CNTROB: variants seen among roughly 807,000 people sequenced by gnomAD.
CNTROB encodes centrobin.
In CNTROB, 82 loss-of-function variants were observed where a neutral mutation model predicts 115.7. That is an observed-to-expected ratio of 0.71 (90% CI 0.59 to 0.85). The LOEUF (loss-of-function observed/expected upper bound fraction) is 0.85. CNTROB is among the 40% of genes least tolerant of loss of function. The pLI, the probability that CNTROB is intolerant of heterozygous loss-of-function variation, is 0.00. For missense variants in CNTROB, 1,014 were observed against 1,144.4 expected, an observed-to-expected ratio of 0.89 and a Z score of 1.64; for synonymous variants, 439 against 456.4, an observed-to-expected ratio of 0.96 and a Z score of 0.49.
chr17:7,948,961 G>A lies in CNTROB; in HGVS notation c.2514-124G>A. The A allele has an allele frequency of 6.4e-7, 1 of 1,572,938 alleles. No homozygotes were observed. The highest frequency in any genetic ancestry group is 1.2e-5 in the South Asian group (1 of 86,380). On this transcript the variant is annotated intron_variant, in intron 17 of 18. Transcript: ENST00000563694. This position sits in a 1 kb window ranked among gnomAD's most constrained non-coding sequence, Gnocchi z 4.4. ...CCACTAATGTCTCCTCCCAGTTGAT[G>A]CCCAGGTCTATCGAGTTTGATCTTA...
chr17:7,932,123 G>C (rs529956891), upstream of CNTROB: 1 of 490,214 alleles, frequency 2.0e-6, no homozygotes, highest in Non-Finnish European at 3.7e-6. Flanking sequence ...CCAGGCGCTC[G>C]GGATACAGAA....
At chr17:7,935,312 G>A (rs933107716) in intron 4 of CNTROB, among the ~76,000 whole-genome samples, 167 bp downstream of exon 4, 1 of 152,040 alleles carries the variant, frequency 6.6e-6, no homozygotes, top group Non-Finnish European at 1.5e-5. Context: ...GACCATCCTG[G>A]CTAACACGGT....
intron 3 of CNTROB, 22 bp from the exon 4 acceptor site, chr17:7,934,967 A>T (rs778535999): frequency 1.3e-6 from 2 of 1,544,126 alleles, no homozygotes; most frequent in African/African-American, 1.4e-5. Context: ...CAGCCCTAAC[A>T]TTCTCTACCT....
chr17:7,942,653 G>A (rs1598093519), intron 9 of CNTROB, among the ~76,000 whole-genome samples: 2 of 150,110 alleles, frequency 1.3e-5, no homozygotes, highest in East Asian at 1.9e-4. Context: ...AATACTATAC[G>A]TGGAAATCAG....
Position 7,936,766 on chromosome 17 carries a change from A to G in CNTROB, c.777A>G (p.Gly259=). The G allele has an allele frequency of 6.4e-7, 1 of 1,569,352 alleles. No individual in the cohort carries two copies. Among genetic ancestry groups the G allele is most frequent in the Non-Finnish European group, 8.8e-7 (1 of 1,139,070 alleles). Residue 259 remains glycine, a synonymous_variant, in exon 6 of 19, where the codon GGA becomes GGG. Transcript: ENST00000563694. Reference sequence around the variant, plus strand: ...CTGAGCGGACAGAGGTTCTCAGGGGACTTCAAGAGGAACACCAGGCAGCAG... The same window carrying G: ...CTGAGCGGACAGAGGTTCTCAGGGGGCTTCAAGAGGAACACCAGGCAGCAG... ...HEAERTEVLR[G]LQEEHQAAEL...
At chr17:7,942,375 A>T (rs1338038044) in intron 9 of CNTROB, among the ~76,000 whole-genome samples, 1 of 152,074 alleles carries the variant, frequency 6.6e-6, no homozygotes, top group African/African-American at 2.4e-5. Context: ...AGGCGGGTGG[A>T]TCACGAGGTC....
In CNTROB at chr17:7,935,080, C is replaced by T. The variant is rs773174526; in HGVS notation, c.529C>T (p.Pro177Ser). Residue 177 changes from proline to serine, a missense_variant, in exon 4 of 19, where the codon CCA (proline) becomes TCA (serine). By Grantham distance (74) the Pro-to-Ser change is moderately conservative (BLOSUM62 -1). Coordinates refer to ENST00000563694, the MANE Select transcript of CNTROB (RefSeq NM_053051.5). ...PRYTSLRPGP[P>S]LNPPDFQGLR... ...CTACACCAGCCTTCGGCCAGGGCCT[C>T]CACTCAATCCCCCAGATTTTCAGGG... The T allele has an allele frequency of 1.2e-6, 2 of 1,614,084 alleles. No individual in the cohort carries two copies. Among genetic ancestry groups the T allele is most frequent in the Admixed American group, 1.7e-5 (1 of 60,000 alleles).
chr17:7,936,961 C>G (rs1973255746), intron 6 of CNTROB, 144 bp downstream of exon 6: 1 of 759,504 alleles, frequency 1.3e-6, no homozygotes, highest in Admixed American at 2.3e-5. Context: ...CTCATCCCTC[C>G]TTTCTTCTCC....
chr17:7,934,462 C>A lies in CNTROB; in HGVS notation c.356-3C>A. The A allele has an allele frequency of 6.2e-7, 1 of 1,613,984 alleles. No homozygotes were observed. Among genetic ancestry groups the A allele is most frequent in the Non-Finnish European group, 8.5e-7 (1 of 1,179,880 alleles). On this transcript the variant is annotated splice_polypyrimidine_tract_variant and splice_region_variant and intron_variant, in intron 2 of 18. Transcript: ENST00000563694. ...GCTTTGGGGTCCCTCTGGCTGCCTG[C>A]AGGGGATCCTCTCATTCCTGGCGCT...
Position 7,948,082 on chromosome 17 carries a change from A to T in CNTROB, c.2210-75A>T. 2 of 1,602,750 alleles carry T rather than the reference A, an allele frequency of 1.2e-6. No individual in the cohort carries two copies. The highest frequency in any genetic ancestry group is 1.1e-5 in the South Asian group (1 of 90,798). The stretch of plus-strand genomic sequence containing the variant: ...GAGCTGGCAAAAGTAATAAAGCCTT[A>T]TAAATGCTGGGTGGTGGGACTTCCT... On this transcript the variant is annotated intron_variant, in intron 15 of 18. Transcript: ENST00000563694. This position sits in a 1 kb window ranked among gnomAD's most constrained non-coding sequence, Gnocchi z 4.4.
chr17:7,947,521 C>T, intron 13 of CNTROB, 50 bp from the exon 14 acceptor site: 1 of 1,508,028 alleles, frequency 6.6e-7, no homozygotes, highest in East Asian at 2.3e-5. Flanking sequence ...GGAGAAGCCC[C>T]TTCCCCCCTG....
At position 7,933,323 on chromosome 17, in the gene CNTROB, G is replaced by A; in HGVS notation, c.244G>A (p.Gly82Arg). ...AGAATTGAGTCGAAGCTTGTCAGTC[G>A]GATTGGAAAAGAACTTGAAGAAAAA... ...AQELSRSLSV[G>R]LEKNLKKKDG... The change falls in exon 1 of 19, where the codon GGA (glycine) becomes AGA (arginine). Residue 82 changes from glycine (G) to arginine (R), a missense_variant. Gly to Arg is a moderately radical substitution (Grantham distance 125). Transcript: ENST00000563694. 1 of 1,613,718 alleles carries A rather than the reference G, an allele frequency of 6.2e-7. No individual in the cohort carries two copies. The highest frequency in any genetic ancestry group is 1.3e-5 in the African/African-American group (1 of 75,006).
At chr17:7,941,647 T>G (rs1021856831) in intron 9 of CNTROB, among the ~76,000 whole-genome samples, 3 of 137,480 alleles carry the variant, frequency 2.2e-5, no homozygotes, top group African/African-American at 8.2e-5. Flanking sequence ...GGTGTTACAA[T>G]GAGATCACAT....
Position 7,947,696 on chromosome 17 carries a change from G to C in CNTROB, c.2119G>C (p.Glu707Gln). The part of the protein sequence containing the change: ...LKQGLPPAQL[E>Q]GLKNFLHQLL... ...GCAAGGGCTGCCGCCTGCTCAGCTG[G>C]AGGGCCTCAAGAATTTTTTGCACCA... is the stretch of plus-strand genomic sequence containing the variant. Residue 707 changes from glutamate to glutamine, a missense_variant, in exon 14 of 19, where the codon GAG becomes CAG. Transcript: ENST00000563694. 1 of 1,612,372 alleles carries C rather than the reference G, an allele frequency of 6.2e-7. No individual in the cohort carries two copies. Among genetic ancestry groups the C allele is most frequent in the Non-Finnish European group, 8.5e-7 (1 of 1,178,786 alleles).
intron 14 of CNTROB, 82 bp from the exon 15 acceptor site, chr17:7,947,832 CTT>C: frequency 6.2e-7 from 1 of 1,609,532 alleles, no homozygotes; most frequent in Non-Finnish European, 8.5e-7. Context: ...ATGACTAACT[CTT>C]TGTCCCAGCT....
At chr17:7,936,026 T>C (rs1973126926) in intron 4 of CNTROB, 1 of 239,278 alleles carries the variant, frequency 4.2e-6, no homozygotes, top group African/African-American at 2.3e-5. Flanking sequence ...TTGTGTCCAA[T>C]GAGCTTCTGA....
chr17:7,948,343 T>C lies in CNTROB; in HGVS notation c.2380+16T>C, dbSNP rs184162133. On this transcript the variant is annotated intron_variant, in intron 16 of 18. Coordinates refer to ENST00000563694, the MANE Select transcript of CNTROB (RefSeq NM_053051.5). This position sits in a 1 kb window ranked among gnomAD's most constrained non-coding sequence, Gnocchi z 4.4. The stretch of plus-strand genomic sequence containing the variant: ...CCAGAGAGAGGTGAGCATGTTCTGG[T>C]TTATTAGGGAAAAAAGGAGGGACAG... 5.6e-6 allele frequency: 9 copies of C among 1,613,684 alleles called. No individual in the cohort carries two copies. The East Asian group carries it at 2.0e-4, about 36-fold the overall frequency.
rs1974169224 is a variant in CNTROB, at chr17:7,943,564, G to T, written c.1445+40G>T. The T allele has an allele frequency of 6.3e-7, 1 of 1,589,596 alleles. No individual in the cohort carries two copies. Among genetic ancestry groups the T allele is most frequent in the Admixed American group, 1.7e-5 (1 of 59,000 alleles). On this transcript the variant is annotated intron_variant, in intron 10 of 18. Coordinates refer to ENST00000563694, the MANE Select transcript of CNTROB (RefSeq NM_053051.5). The surrounding 1 kb of genome is among the most constrained non-coding windows in gnomAD (Gnocchi z 4.7). ...CTGGGTGTCACTTCTCTCAGCCACA[G>T]CACGTATCGTTAGTGCCAGGCCTGT...
Position 7,944,277 on chromosome 17 carries a change from G to A in CNTROB, c.1571+29G>A. 6.2e-7 allele frequency: 1 copy of A among 1,610,808 alleles called. No homozygotes were observed. Among genetic ancestry groups the A allele is most frequent in the African/African-American group, 1.3e-5 (1 of 74,950 alleles). ...CTGGTCCCCAGAGTGCCCCTTTCAGGCCCCAGCCCCTTTCCCATGGGTAGA... is the reference window on the plus strand; with the variant it reads ...CTGGTCCCCAGAGTGCCCCTTTCAGACCCCAGCCCCTTTCCCATGGGTAGA... On this transcript the variant is annotated intron_variant, in intron 11 of 18. Transcript: ENST00000563694. The surrounding 1 kb of genome is among the most constrained non-coding windows in gnomAD (Gnocchi z 4.0).
Sources: gnomAD v4.1 joint callset for allele counts (sites outside exome capture counted in the v4.1 genomes callset) on GRCh38, gnomAD v4.1.1 for gene constraint, Gnocchi (gnomAD v3.1) non-coding constraint, MANE v1.5 for transcripts, NCBI Gene and HGNC (gene_info 2026-07-23, HGNC 2026-07-21) for gene names.